Variants in MICU1 observed in about 807,000 individuals in gnomAD.
MICU1 encodes calcium uptake protein 1, mitochondrial.
A neutral mutation model predicts 56.8 loss-of-function variants in MICU1; 45 were observed. That is an observed-to-expected ratio of 0.79 (90% CI 0.62 to 1.02). The LOEUF is 1.02. Among genes scored for constraint, MICU1 ranks in the 50% least tolerant of loss-of-function variants. The pLI is 0.00. For synonymous variants in MICU1, 186 were observed against 195.1 expected (o/e 0.95, Z 0.39); for missense variants, 504 against 587.1 (o/e 0.86, Z 1.46).
chr10:72,511,718 A>G (rs949064618), intron 5 of MICU1, among the ~76,000 whole-genome samples: 5 of 152,242 alleles, frequency 3.3e-5, no homozygotes, highest in Admixed American at 3.3e-4. Flanking sequence ...TCATTTCTTC[A>G]TTTATTGAGG....
intron 1 of MICU1, among the ~76,000 whole-genome samples, chr10:72,603,417 A>C (rs910477279): frequency 6.6e-6 from 1 of 151,506 alleles, no homozygotes; most frequent in African/African-American, 2.4e-5. Context: ...TAAATAAATA[A>C]GTTTATTTTG....
At chr10:72,417,482 G>C (rs1285189518) in intron 9 of MICU1, among the ~76,000 whole-genome samples, 1 of 151,038 alleles carries the variant, frequency 6.6e-6, no homozygotes, top group Non-Finnish European at 1.5e-5. Flanking sequence ...AAGAAATATA[G>C]TTGTAAGGAT....
At chr10:72,476,919 C>T (rs1463992268) in intron 7 of MICU1, among the ~76,000 whole-genome samples, 1 of 152,182 alleles carries the variant, frequency 6.6e-6, no homozygotes, top group Admixed American at 6.5e-5. Context: ...GGCATTATAA[C>T]CCAATTTATG....
intron 9 of MICU1, among the ~76,000 whole-genome samples, chr10:72,418,469 G>A (rs1457364755): frequency 6.6e-6 from 1 of 152,152 alleles, no homozygotes; most frequent in Non-Finnish European, 1.5e-5. Context: ...GGAATAGGAA[G>A]CCTTGGATTT....
intron 5 of MICU1, among the ~76,000 whole-genome samples, chr10:72,513,467 T>C (rs923607435): frequency 1.3e-5 from 2 of 152,260 alleles, no homozygotes; most frequent in African/African-American, 4.8e-5. Context: ...TAGATCCTTA[T>C]CATAGACATA....
intron 11 of MICU1, among the ~76,000 whole-genome samples, chr10:72,373,143 G>A (rs1408094120): frequency 6.6e-6 from 1 of 150,978 alleles, no homozygotes; most frequent in Non-Finnish European, 1.5e-5. Context: ...TTTGAAAATC[G>A]AATTCTCCAT....
intron 5 of MICU1, among the ~76,000 whole-genome samples, chr10:72,521,926 G>C (rs1426117958): frequency 1.3e-5 from 2 of 151,966 alleles, no homozygotes; most frequent in Admixed American, 1.3e-4. Flanking sequence ...ATTTTGAAAT[G>C]TGCATCACTT....
chr10:72,521,872 C>CT (rs1554884835), intron 5 of MICU1, among the ~76,000 whole-genome samples: 3 of 151,450 alleles, frequency 2.0e-5, no homozygotes, highest in Non-Finnish European at 3.0e-5. Flanking sequence ...TACAGGTGCA[C>CT]TTTTTTTTTA....
chr10:72,400,866 TACACACAC>T lies in MICU1; in HGVS notation c.1180+7055_1180+7062del, dbSNP rs61091649. Among the ~76,000 whole-genome samples the T allele has an allele frequency of 2.9e-3, 407 of 142,334 alleles. 3 individuals carry two copies. The highest frequency in any genetic ancestry group is 9.4e-3 in the African/African-American group (370 of 39,548). 93.4% of individuals were successfully genotyped at this position (142,334 alleles called of 152,430 possible). ...TTCTAGAGAAATGATCTGGTGGTGC[TACACACAC>T]ACACACACACACACACACACACACA... On this transcript the variant is annotated intron_variant, in intron 10 of 11. Transcript: ENST00000361114.
chr10:72,524,567 T>G (rs1287551003), intron 5 of MICU1, among the ~76,000 whole-genome samples: 2 of 152,190 alleles, frequency 1.3e-5, no homozygotes, highest in African/African-American at 4.8e-5. Context: ...AGTGCTTGGA[T>G]TGTCATATTA....
chr10:72,495,249 AAT>A (rs1231349114), intron 6 of MICU1, among the ~76,000 whole-genome samples: 18 of 152,062 alleles, frequency 1.2e-4, no homozygotes, highest in East Asian at 3.9e-4. Flanking sequence ...AAAAAAAAAA[AAT>A]CATCTGCTTG....
rs183798927 is a variant in MICU1, at chr10:72,532,296, C to T, written c.537+1450G>A. ...TTGCTCCACTGCACTCCAGCCCAGG[C>T]GACAGAGCGAGACTCCATCTCAAAA... is the stretch of plus-strand genomic sequence containing the variant. On this transcript the variant is annotated intron_variant, in intron 5 of 11. Transcript: ENST00000361114. Among the ~76,000 whole-genome samples the T allele has an allele frequency of 1.3e-3, 193 of 150,884 alleles. 2 individuals carry two copies. Among genetic ancestry groups the T allele is most frequent in the African/African-American group, 4.0e-3 (166 of 41,052 alleles).
At chr10:72,406,609 A>G (rs1366436408) in intron 10 of MICU1, among the ~76,000 whole-genome samples, 1 of 122,668 alleles carries the variant, frequency 8.2e-6, no homozygotes, top group Non-Finnish European at 1.6e-5. Flanking sequence ...ACTCCTTATT[A>G]AAAAAAAAAA....
chr10:72,459,084 A>C (rs1865569660), intron 8 of MICU1, among the ~76,000 whole-genome samples: 1 of 152,024 alleles, frequency 6.6e-6, no homozygotes, highest in South Asian at 2.1e-4. Context: ...TAATCCCAAC[A>C]CTTTGGGAAG....
intron 10 of MICU1, among the ~76,000 whole-genome samples, chr10:72,398,449 A>G (rs1863339370): frequency 6.6e-6 from 1 of 152,170 alleles, no homozygotes. Flanking sequence ...TCAGAGCAGA[A>G]CTGAAAGAGA....
intron 10 of MICU1, among the ~76,000 whole-genome samples, chr10:72,386,335 C>T (rs1271156805): frequency 6.6e-6 from 1 of 152,142 alleles, no homozygotes; most frequent in Non-Finnish European, 1.5e-5. Flanking sequence ...GTGCCCACCA[C>T]CACACCAGGC....
intron 8 of MICU1, among the ~76,000 whole-genome samples, chr10:72,439,086 A>G (rs376921342): frequency 2.0e-5 from 3 of 152,346 alleles, no homozygotes; most frequent in East Asian, 3.9e-4. Flanking sequence ...AGCCTGGCAG[A>G]GACACAACAA....
intron 6 of MICU1, among the ~76,000 whole-genome samples, chr10:72,487,070 G>T (rs1425588307): frequency 2.6e-5 from 4 of 152,106 alleles, no homozygotes; most frequent in African/African-American, 9.7e-5. Flanking sequence ...AAGTTTATGG[G>T]GACAATGCCC....
intron 8 of MICU1, among the ~76,000 whole-genome samples, chr10:72,440,100 T>C (rs939083562): frequency 6.6e-6 from 1 of 152,278 alleles, no homozygotes; most frequent in East Asian, 1.9e-4. Flanking sequence ...GAGACAATCC[T>C]AAGCCAAAAG....
Sources: allele counts gnomAD v4.1 joint callset (sites outside exome capture counted in the v4.1 genomes callset), GRCh38; gene constraint gnomAD v4.1.1; transcripts MANE v1.5; gene names NCBI Gene and HGNC (gene_info 2026-07-23, HGNC 2026-07-21).